Variants in PCDHA2 observed in about 807,000 individuals in gnomAD.
PCDHA2 encodes the protein protocadherin alpha 2, also known as protocadherin alpha-2.
In PCDHA2, 58 loss-of-function variants were observed where a neutral mutation model predicts 66.0. The observed-to-expected ratio is 0.88, with a 90% CI of 0.71 to 1.09. The LOEUF is 1.09. Among genes scored for constraint, PCDHA2 ranks in the 50% least tolerant of loss-of-function variants. The probability of loss-of-function intolerance (pLI) is 0.00; values close to 1 mark genes in which losing one functional copy is unlikely to be tolerated. For synonymous variants in PCDHA2, 634 were observed against 554.0 expected (o/e 1.14, Z -2.03); for missense variants, 1,267 against 1,242.3 (o/e 1.02, Z -0.30).
intron 3 of PCDHA2, among the ~76,000 whole-genome samples, chr5:140,994,980 C>A (rs1311252472): frequency 4.6e-5 from 7 of 151,992 alleles, no homozygotes; most frequent in Admixed American, 1.3e-4. Flanking sequence ...CCATGGAGAC[C>A]CACTAGAAGG....
At chr5:140,833,791 C>T (rs1164373898) in intron 1 of PCDHA2, among the ~76,000 whole-genome samples, 2 of 152,062 alleles carry the variant, frequency 1.3e-5, no homozygotes, top group Non-Finnish European at 2.9e-5. Context: ...TCTCTTTCAT[C>T]AATCAGTAGA....
chr5:140,895,315 A>C (rs541841623), intron 1 of PCDHA2, among the ~76,000 whole-genome samples: 2 of 152,036 alleles, frequency 1.3e-5, no homozygotes, highest in East Asian at 1.9e-4. Flanking sequence ...TCCACCCATG[A>C]CTATTGTTCT....
At chr5:140,883,688 A>G (rs782730096) in intron 1 of PCDHA2, 2 of 1,613,792 alleles carry the variant, frequency 1.2e-6, no homozygotes, top group Middle Eastern at 1.7e-4. Flanking sequence ...GGGCTGCCAC[A>G]TCTTCACGGT....
At position 140,913,388 on chromosome 5, in the gene PCDHA2, G is replaced by A. The variant is rs180918053; in HGVS notation, c.2389-65561G>A. On this transcript the variant is annotated intron_variant, in intron 1 of 3. Coordinates refer to ENST00000526136, the MANE Select transcript of PCDHA2 (RefSeq NM_018905.3). ...TATTGGCATATAGTGGCTCATCATAGCCACTAATGATCCTTTGAATTCCTG... is the reference window on the plus strand; with the variant it reads ...TATTGGCATATAGTGGCTCATCATAACCACTAATGATCCTTTGAATTCCTG... Among the ~76,000 whole-genome samples, 155 of 152,188 alleles carry A rather than the reference G, an allele frequency of 1.0e-3. 2 individuals are homozygous for A. The highest frequency in any genetic ancestry group is 3.7e-3 in the African/African-American group (152 of 41,534).
chr5:140,876,204 GC>G, intron 1 of PCDHA2: 1 of 1,613,934 alleles, frequency 6.2e-7, no homozygotes. Context: ...CGTTTGATAA[GC>G]CCAGCTATAA....
At chr5:140,852,770 T>C in intron 1 of PCDHA2, 7 of 981,816 alleles carry the variant, frequency 7.1e-6, no homozygotes, top group Non-Finnish European at 8.6e-6. Flanking sequence ...TCTGATTATT[T>C]GATGTGAATA....
At chr5:140,834,711 G>A (rs1401581496) in intron 1 of PCDHA2, 1 of 1,614,266 alleles carries the variant, frequency 6.2e-7, no homozygotes. Context: ...GGAGGTGATC[G>A]TGGAAAGGCC....
rs572471986 is a variant in PCDHA2, at chr5:140,873,263, A to T, written c.2388+75911A>T. The stretch of plus-strand genomic sequence containing the variant: ...ATAAAATATTTCAGACTCAAAAGTG[A>T]TTAAACCATCATACCACTTATGAAA... On this transcript the variant is annotated intron_variant, in intron 1 of 3. Coordinates refer to ENST00000526136, the MANE Select transcript of PCDHA2 (RefSeq NM_018905.3). Among the ~76,000 whole-genome samples, 8 of 152,356 alleles carry T rather than the reference A, an allele frequency of 5.3e-5. 1 individual carries two copies. Among genetic ancestry groups the T allele is most frequent in the Middle Eastern group, 6.8e-3 (2 of 294 alleles).
chr5:141,009,905 G>A lies in PCDHA2; in HGVS notation c.2815G>A (p.Gly939Arg), dbSNP rs781954349. The change falls in exon 4 of 4, where the codon GGG becomes AGG. Residue 939 changes from glycine (G) to arginine (R), a missense_variant. Physicochemically the swap from Gly to Arg is moderately radical, Grantham distance 125. Coordinates refer to ENST00000526136, the MANE Select transcript of PCDHA2 (RefSeq NM_018905.3). ...GNKTQEKKEK[G>R]NSTTDNSDQ Reference sequence around the variant, plus strand: ...CAAGACCCAGGAGAAAAAAGAGAAAGGGAACAGCACGACTGACAACAGTGA... The same window carrying A: ...CAAGACCCAGGAGAAAAAAGAGAAAAGGAACAGCACGACTGACAACAGTGA... 7.4e-6 allele frequency: 12 copies of A among 1,613,058 alleles called. No homozygotes were observed. Among genetic ancestry groups the A allele is most frequent in the Non-Finnish European group, 1.0e-5 (12 of 1,179,832 alleles).
intron 3 of PCDHA2, among the ~76,000 whole-genome samples, chr5:140,983,788 C>T (rs1319880543): frequency 6.6e-6 from 1 of 152,144 alleles, no homozygotes; most frequent in Non-Finnish European, 1.5e-5. Context: ...TAACAGATGA[C>T]AGAATGTGTG....
chr5:140,818,428 T>G (rs1180551475), intron 1 of PCDHA2, among the ~76,000 whole-genome samples: 1 of 152,252 alleles, frequency 6.6e-6, no homozygotes, highest in Admixed American at 6.5e-5. Context: ...AATATATTTC[T>G]AACTTGGGTA....
intron 3 of PCDHA2, among the ~76,000 whole-genome samples, chr5:141,002,161 G>T (rs1554258540): frequency 6.6e-6 from 1 of 152,208 alleles, no homozygotes; most frequent in Non-Finnish European, 1.5e-5. Flanking sequence ...CAGAGTGGGC[G>T]GTAGGCAGGC....
In PCDHA2 at chr5:140,969,100, C is replaced by T. The variant is rs781998624; in HGVS notation, c.2389-9849C>T. ...ATGGCCTCAAAGTGCAGCCTCACTT[C>T]ATTGAAGTTCGAGGGAATGGCTCCC... On this transcript the variant is annotated intron_variant, in intron 1 of 3. Coordinates refer to ENST00000526136, the MANE Select transcript of PCDHA2 (RefSeq NM_018905.3). The T allele has an allele frequency of 8.7e-6, 14 of 1,614,054 alleles. No individual in the cohort carries two copies. The South Asian group carries it at 8.8e-5, about 10-fold the overall frequency.
intron 3 of PCDHA2, among the ~76,000 whole-genome samples, chr5:140,993,190 CTCACTAAAGCTAATTTTTT>C (rs2097544277): frequency 6.6e-6 from 1 of 152,022 alleles, no homozygotes; most frequent in Non-Finnish European, 1.5e-5. Flanking sequence ...TAGAGGGAAA[CTCACTAAAGCTAATTTTTT>C]TAGCTTTTTG....
intron 1 of PCDHA2, among the ~76,000 whole-genome samples, chr5:140,904,464 T>G (rs2071152048): frequency 1.3e-5 from 2 of 151,802 alleles, no homozygotes; most frequent in South Asian, 4.1e-4. Context: ...CACTTGTTGA[T>G]TGGTGGCTAT....
chr5:140,808,516 G>A, intron 1 of PCDHA2: 1 of 1,614,174 alleles, frequency 6.2e-7, no homozygotes, highest in South Asian at 1.1e-5. Context: ...GTGTTTCTGT[G>A]GAGGTGGCTG....
intron 1 of PCDHA2, chr5:140,850,885 G>C: frequency 1.3e-6 from 2 of 1,582,746 alleles, no homozygotes; most frequent in South Asian, 1.1e-5. Flanking sequence ...GATTCAACTG[G>C]GAAGGTGGGT....
intron 1 of PCDHA2, chr5:140,802,649 G>T (rs566393892): frequency 7.4e-6 from 12 of 1,613,680 alleles, no homozygotes; most frequent in African/African-American, 1.3e-5. Context: ...ACGCGGACGC[G>T]CAGGAGAACG....
At chr5:140,814,561 G>T (rs1385354330) in intron 1 of PCDHA2, 1 of 151,692 alleles carries the variant, frequency 6.6e-6, no homozygotes, top group Non-Finnish European at 1.5e-5. Flanking sequence ...TCTGTATCAA[G>T]TATTATGTAC....
Sources: allele counts gnomAD v4.1 joint callset (sites outside exome capture counted in the v4.1 genomes callset), GRCh38; gene constraint gnomAD v4.1.1; transcripts MANE v1.5; gene names NCBI Gene and HGNC (gene_info 2026-07-23, HGNC 2026-07-21).